Variants in SEMA6D observed in about 807,000 individuals in gnomAD.
The protein encoded by SEMA6D is semaphorin 6D, also known as semaphorin-6D.
SEMA6D carries 35 observed loss-of-function variants against 106.6 expected under a neutral mutation model. The ratio of observed to expected loss-of-function variants is 0.33; its 90% CI spans 0.25 to 0.44. The LOEUF (loss-of-function observed/expected upper bound fraction) is 0.44, where lower values mean the gene tolerates loss of function less well. Among genes scored for constraint, SEMA6D ranks in the 20% least tolerant of loss-of-function variants. SEMA6D has a pLI of 1.00. For missense variants in SEMA6D, 1,185 were observed against 1,345.9 expected (o/e 0.88, Z 1.87); for synonymous variants, 499 against 487.7 (o/e 1.02, Z -0.31).
chr15:47,374,937 A>G (rs1250196427), intron 1 of SEMA6D, among the ~76,000 whole-genome samples: 3 of 152,210 alleles, frequency 2.0e-5, no homozygotes, highest in Non-Finnish European at 2.9e-5. Flanking sequence ...GACCTGTTGC[A>G]GAGGCAGGCA....
intron 4 of SEMA6D, among the ~76,000 whole-genome samples, chr15:47,664,506 C>A (rs566681288): frequency 9.3e-4 from 141 of 152,284 alleles, no homozygotes; most frequent in African/African-American, 3.3e-3. Context: ...CACAGCTATA[C>A]AGTATTCAAA....
chr15:47,626,047 A>T (rs141825467), intron 4 of SEMA6D, among the ~76,000 whole-genome samples: 105 of 152,286 alleles, frequency 6.9e-4, no homozygotes, highest in African/African-American at 1.6e-3. Flanking sequence ...ATTGAGCCTT[A>T]GTAGACTTTT....
intron 3 of SEMA6D, among the ~76,000 whole-genome samples, chr15:47,489,428 A>C (rs1014452227): frequency 6.6e-6 from 1 of 152,184 alleles, no homozygotes; most frequent in Non-Finnish European, 1.5e-5. Flanking sequence ...ACTCACTCAG[A>C]TATTTGACGA....
chr15:47,184,244 C>T (rs1414212119), exon 1 of SEMA6D: 1 of 153,164 alleles, frequency 6.5e-6, no homozygotes, highest in Non-Finnish European at 1.5e-5. Context: ...GCCTGCGTCG[C>T]TCGGAGCGGT....
chr15:47,311,723 C>T (rs900993179), intron 1 of SEMA6D, among the ~76,000 whole-genome samples: 4 of 152,114 alleles, frequency 2.6e-5, no homozygotes, highest in Admixed American at 2.6e-4. Context: ...TTTTCTTCCA[C>T]ACAGCAGTTA....
intron 1 of SEMA6D, among the ~76,000 whole-genome samples, chr15:47,262,202 A>C (rs1285134790): frequency 6.6e-6 from 1 of 152,176 alleles, no homozygotes; most frequent in African/African-American, 2.4e-5. Context: ...AAACAAATGG[A>C]AAAATATTTC....
At chr15:47,642,872 T>G (rs1244165133) in intron 4 of SEMA6D, among the ~76,000 whole-genome samples, 5 of 151,740 alleles carry the variant, frequency 3.3e-5, no homozygotes, top group Non-Finnish European at 7.4e-5. Flanking sequence ...GCTAGATATA[T>G]TGAGAGAGAG....
At chr15:47,459,054 G>A (rs976835224) in intron 2 of SEMA6D, among the ~76,000 whole-genome samples, 1 of 151,856 alleles carries the variant, frequency 6.6e-6, no homozygotes, top group Non-Finnish European at 1.5e-5. Flanking sequence ...GTAATGAGAT[G>A]TCATTCTTGT....
intron 1 of SEMA6D, among the ~76,000 whole-genome samples, chr15:47,278,125 C>G (rs1156965778): frequency 9.9e-5 from 15 of 151,758 alleles, no homozygotes; most frequent in African/African-American, 3.6e-4. Context: ...TGGGTATATA[C>G]CCAGTAATGG....
At chr15:47,204,419 G>A (rs150648204) in intron 1 of SEMA6D, among the ~76,000 whole-genome samples, 2 of 152,262 alleles carry the variant, frequency 1.3e-5, no homozygotes, top group African/African-American at 4.8e-5. Context: ...ACTGTTTACA[G>A]TAAAATTGAG....
chr15:47,675,398 CAGAG>C (rs1303852952), intron 4 of SEMA6D, among the ~76,000 whole-genome samples: 7 of 152,214 alleles, frequency 4.6e-5, no homozygotes, highest in Admixed American at 3.9e-4. Flanking sequence ...CTTGGACACA[CAGAG>C]AGACCAGAAG....
chr15:47,585,519 T>G (rs1409837958), intron 3 of SEMA6D, among the ~76,000 whole-genome samples: 2 of 152,156 alleles, frequency 1.3e-5, no homozygotes, highest in Admixed American at 1.3e-4. Flanking sequence ...GCTACCTTAA[T>G]AGAGGCAAGG....
chr15:47,685,619 C>G (rs947422361), intron 4 of SEMA6D, among the ~76,000 whole-genome samples: 13 of 152,174 alleles, frequency 8.5e-5, no homozygotes, highest in Admixed American at 7.2e-4. Flanking sequence ...CACCACAGAG[C>G]AAGCCACATC....
intron 1 of SEMA6D, among the ~76,000 whole-genome samples, chr15:47,280,027 T>C (rs1487535310): frequency 2.6e-5 from 4 of 151,518 alleles, no homozygotes; most frequent in African/African-American, 9.7e-5. Context: ...GGTATCAGGA[T>C]GATGCTGGCC....
intron 3 of SEMA6D, among the ~76,000 whole-genome samples, chr15:47,509,269 C>T (rs971764997): frequency 6.6e-6 from 1 of 151,064 alleles, no homozygotes; most frequent in Admixed American, 6.7e-5. Flanking sequence ...TTTCAAAACC[C>T]TACACTGTGC....
chr15:47,655,904 G>A (rs1028438487), intron 4 of SEMA6D, among the ~76,000 whole-genome samples: 1 of 152,256 alleles, frequency 6.6e-6, no homozygotes, highest in Non-Finnish European at 1.5e-5. Context: ...GGTGAAAAAT[G>A]TGAGTTGCCT....
intron 1 of SEMA6D, among the ~76,000 whole-genome samples, chr15:47,381,818 T>C (rs910882872): frequency 6.6e-6 from 1 of 152,164 alleles, no homozygotes; most frequent in Non-Finnish European, 1.5e-5. Flanking sequence ...ACAAACCTTC[T>C]GAGGGGTGAC....
Position 47,219,255 on chromosome 15 carries a change from A to G in SEMA6D, c.-239+34837A>G, listed in dbSNP as rs142394746. Among the ~76,000 whole-genome samples the G allele has an allele frequency of 9.9e-4, 151 of 152,316 alleles. 1 individual carries two copies. The East Asian group carries it at 0.026, about 26-fold the overall frequency. ...TTGGGAGTGGACTTTCACTGTCTCAACATGCTCACCACTCTTCTCCATAAC... is the reference window on the plus strand; with the variant it reads ...TTGGGAGTGGACTTTCACTGTCTCAGCATGCTCACCACTCTTCTCCATAAC... On this transcript the variant is annotated intron_variant, in intron 1 of 19. Coordinates refer to the SEMA6D transcript ENST00000558014.
intron 1 of SEMA6D, among the ~76,000 whole-genome samples, chr15:47,334,484 G>A (rs1257142301): frequency 6.6e-6 from 1 of 152,138 alleles, no homozygotes; most frequent in Non-Finnish European, 1.5e-5. Context: ...CAGGTAGATA[G>A]TGTCAGATTG....
Sources: gnomAD v4.1 joint callset for allele counts (sites outside exome capture counted in the v4.1 genomes callset) on GRCh38, gnomAD v4.1.1 for gene constraint, MANE v1.5 for transcripts, NCBI Gene and HGNC (gene_info 2026-07-23, HGNC 2026-07-21) for gene names.